Variants in TENM4 observed in about 807,000 individuals in gnomAD.
TENM4 encodes teneurin transmembrane protein 4.
TENM4 carries 82 observed loss-of-function variants against 243.3 expected under a neutral mutation model. The ratio of observed to expected loss-of-function variants is 0.34; its 90% CI spans 0.28 to 0.40. TENM4 has a LOEUF of 0.40. TENM4 is among the 10% of genes least tolerant of loss of function. The pLI, the probability that TENM4 is intolerant of heterozygous loss-of-function variation, is 1.00. For synonymous variants in TENM4, 1,412 were observed against 1,456.3 expected, an observed-to-expected ratio of 0.97 and a Z score of 0.69; for missense variants, 3,138 against 3,673.3, an observed-to-expected ratio of 0.85 and a Z score of 3.77.
At chr11:78,747,440 T>G (rs1856075084) in intron 19 of TENM4, among the ~76,000 whole-genome samples, 4 of 152,198 alleles carry the variant, frequency 2.6e-5, no homozygotes, top group African/African-American at 7.2e-5. Flanking sequence ...AGGAAGGATG[T>G]GAGGTTGAGC....
chr11:78,877,349 T>G (rs623057), intron 9 of TENM4, among the ~76,000 whole-genome samples: 146,432 of 152,208 alleles, frequency 0.96, 70,593 homozygotes, highest in Middle Eastern at 1. Context: ...AGACTTAAGT[T>G]TGGCCCCTTC....
intron 1 of TENM4, among the ~76,000 whole-genome samples, chr11:79,412,847 C>A (rs1858731209): frequency 6.6e-6 from 1 of 152,150 alleles, no homozygotes; most frequent in Non-Finnish European, 1.5e-5. Flanking sequence ...ATCACTGCAG[C>A]CTATTCCATG....
intron 1 of TENM4, among the ~76,000 whole-genome samples, chr11:79,356,447 G>A (rs150037337): frequency 7.2e-5 from 11 of 152,274 alleles, no homozygotes; most frequent in East Asian, 1.9e-4. Flanking sequence ...CTACTACAGC[G>A]TGGGGCTAGG....
intron 6 of TENM4, among the ~76,000 whole-genome samples, chr11:78,922,093 T>G (rs1234170679): frequency 6.6e-6 from 1 of 152,182 alleles, no homozygotes; most frequent in Non-Finnish European, 1.5e-5. Flanking sequence ...TGGGAGACAG[T>G]GCCCAGGAGA....
chr11:79,026,640 A>G (rs1859087500), intron 6 of TENM4, among the ~76,000 whole-genome samples: 1 of 152,118 alleles, frequency 6.6e-6, no homozygotes, highest in African/African-American at 2.4e-5. Flanking sequence ...GGTCCTTTCT[A>G]TGAATTACTT....
intron 6 of TENM4, among the ~76,000 whole-genome samples, chr11:78,971,958 G>A (rs142957840): frequency 4.3e-4 from 65 of 152,236 alleles, no homozygotes; most frequent in Middle Eastern, 6.8e-3. Flanking sequence ...GCAAAACTGC[G>A]TAAAAAGTAA....
At chr11:79,061,236 T>C (rs74506012) in intron 6 of TENM4, among the ~76,000 whole-genome samples, 4,589 of 152,270 alleles carry the variant, frequency 0.03, 65 homozygotes, top group African/African-American at 0.036. Context: ...ATTATTTAGA[T>C]CTGAGTACCG....
chr11:78,960,104 T>C (rs1857286014), intron 6 of TENM4, among the ~76,000 whole-genome samples: 1 of 151,938 alleles, frequency 6.6e-6, no homozygotes, highest in Non-Finnish European at 1.5e-5. Flanking sequence ...CAAGGATAAA[T>C]AGCCAGTGAG....
intron 27 of TENM4, among the ~76,000 whole-genome samples, chr11:78,705,309 G>A (rs1859218414): frequency 6.6e-6 from 1 of 152,164 alleles, no homozygotes; most frequent in Non-Finnish European, 1.5e-5. Context: ...AGGAAAGAGA[G>A]GAAGGAATGT....
chr11:79,224,861 G>C (rs998611901), intron 2 of TENM4, among the ~76,000 whole-genome samples: 1 of 151,780 alleles, frequency 6.6e-6, no homozygotes, highest in Non-Finnish European at 1.5e-5. Context: ...TGAGACAGGA[G>C]AATCACTTGA....
At chr11:79,414,111 C>T (rs1214608804) in intron 1 of TENM4, among the ~76,000 whole-genome samples, 1 of 151,844 alleles carries the variant, frequency 6.6e-6, no homozygotes, top group Admixed American at 6.6e-5. Context: ...TTGGTCCTGC[C>T]CTGCAACTCC....
chr11:78,927,224 G>A (rs1856572182), intron 6 of TENM4, among the ~76,000 whole-genome samples: 1 of 152,180 alleles, frequency 6.6e-6, no homozygotes, highest in Non-Finnish European at 1.5e-5. Context: ...TAGCTGCTGT[G>A]TGCCATTTTT....
At chr11:78,785,308 G>A (rs1856912621) in intron 16 of TENM4, among the ~76,000 whole-genome samples, 1 of 152,208 alleles carries the variant, frequency 6.6e-6, no homozygotes, top group African/African-American at 2.4e-5. Flanking sequence ...ACAACCTGCA[G>A]TGGCTGCCAT....
At chr11:78,810,622 C>T (rs1388746772) in intron 14 of TENM4, among the ~76,000 whole-genome samples, 1 of 152,182 alleles carries the variant, frequency 6.6e-6, no homozygotes, top group East Asian at 1.9e-4. Flanking sequence ...AAGTAATCCC[C>T]ATCAAAGTTA....
At chr11:78,880,017 G>A (rs1475956882) in intron 9 of TENM4, among the ~76,000 whole-genome samples, 1 of 152,078 alleles carries the variant, frequency 6.6e-6, no homozygotes, top group Non-Finnish European at 1.5e-5. Flanking sequence ...AAAGCAAAGG[G>A]GGAAATGCAG....
rs1279332630 is a variant in TENM4 at position 78,672,268 on chromosome 11, T to C, written c.5558A>G (p.Tyr1853Cys). Reference sequence around the variant, plus strand: ...AAGGGTGAACTTGCGGTGGTCATCATAGATCTTCTCTGTGCGTGTTACGCG... The same window carrying C: ...AAGGGTGAACTTGCGGTGGTCATCACAGATCTTCTCTGTGCGTGTTACGCG... ...FDRVTRTEKI[Y>C]DDHRKFTLRI... The change falls in exon 31 of 34, where the codon TAT becomes TGT. Residue 1853 changes from tyrosine (Y) to cysteine (C), a missense_variant. Physicochemically the swap from Tyr to Cys is radical, Grantham distance 194 (BLOSUM62 -2). Coordinates refer to ENST00000278550, the MANE Select transcript of TENM4 (RefSeq NM_001098816.3). 4.3e-6 allele frequency: 7 copies of C among 1,614,072 alleles called. No individual in the cohort carries two copies. The highest frequency in any genetic ancestry group is 1.3e-5 in the African/African-American group (1 of 75,062).
intron 1 of TENM4, among the ~76,000 whole-genome samples, chr11:79,413,119 A>C (rs1001122792): frequency 3.3e-5 from 5 of 152,260 alleles, no homozygotes; most frequent in African/African-American, 1.2e-4. Context: ...GGGCAGGTTC[A>C]TTTTCAAAGG....
At chr11:78,854,959 G>A (rs1858642451) in intron 11 of TENM4, among the ~76,000 whole-genome samples, 1 of 152,194 alleles carries the variant, frequency 6.6e-6, no homozygotes, top group Admixed American at 6.5e-5. Flanking sequence ...GAGACTGCTT[G>A]TGTGAGACTC....
chr11:79,061,396 C>G (rs912507328), intron 6 of TENM4, among the ~76,000 whole-genome samples: 1 of 152,266 alleles, frequency 6.6e-6, no homozygotes, highest in East Asian at 1.9e-4. Flanking sequence ...ACCTCCTCTG[C>G]CCACCCGTCT....
Sources: gnomAD v4.1 joint callset for allele counts (sites outside exome capture counted in the v4.1 genomes callset) on GRCh38, gnomAD v4.1.1 for gene constraint, MANE v1.5 for transcripts, NCBI Gene and HGNC (gene_info 2026-07-23, HGNC 2026-07-21) for gene names.